KHDRBS3: variants seen among roughly 807,000 people sequenced by gnomAD.
KHDRBS3 encodes KH RNA binding domain containing, signal transduction associated 3, also known as KH domain-containing, RNA-binding, signal transduction-associated protein 3.
KHDRBS3 carries 23 observed loss-of-function variants against 45.6 expected under a neutral mutation model. The observed-to-expected ratio is 0.50, with a 90% CI of 0.36 to 0.72. The LOEUF (loss-of-function observed/expected upper bound fraction) is 0.72. Among genes scored for constraint, KHDRBS3 ranks in the 30% least tolerant of loss-of-function variants. The pLI is 0.00. For missense variants in KHDRBS3, 352 were observed against 424.8 expected, an observed-to-expected ratio of 0.83 and a Z score of 1.51; for synonymous variants, 162 against 156.5, an observed-to-expected ratio of 1.04 and a Z score of -0.26.
chr8:135,499,789 CAA>C (rs1016086556), intron 1 of KHDRBS3, among the ~76,000 whole-genome samples: 5 of 152,038 alleles, frequency 3.3e-5, no homozygotes, highest in African/African-American at 9.7e-5. Flanking sequence ...TTTTTTTGAT[CAA>C]AGAGACTTTT....
chr8:135,610,379 T>C (rs1189203322), intron 7 of KHDRBS3, among the ~76,000 whole-genome samples: 1 of 151,900 alleles, frequency 6.6e-6, no homozygotes, highest in Non-Finnish European at 1.5e-5. Context: ...TTAAAGCTCA[T>C]GGTCTTTCTA....
At chr8:135,647,825 A>T (rs928935548), downstream of KHDRBS3, 9 of 152,228 alleles carry the variant, frequency 5.9e-5, no homozygotes, top group Non-Finnish European at 8.8e-5. Flanking sequence ...TCCAAATGGT[A>T]TCGAGCTGCT....
At chr8:135,487,158 C>T (rs1054160000) in intron 1 of KHDRBS3, among the ~76,000 whole-genome samples, 1 of 152,122 alleles carries the variant, frequency 6.6e-6, no homozygotes, top group African/African-American at 2.4e-5. Flanking sequence ...ATGTAACACA[C>T]GCTTCTTATG....
At position 135,483,382 on chromosome 8, in the gene KHDRBS3, TG is replaced by T. The variant is rs549253542; in HGVS notation, c.88+25430del. Among the ~76,000 whole-genome samples, 16 of 152,188 alleles carry T rather than the reference TG, an allele frequency of 1.1e-4. No individual in the cohort carries two copies. The South Asian group carries it at 3.3e-3, about 32-fold the overall frequency. On this transcript the variant is annotated intron_variant, in intron 1 of 8. Transcript: ENST00000355849. ...AGTAAACACATTCTGCTGCCATTAG[TG>T]GTTTGTTGTGGTTTGTAACTGCCCA...
chr8:135,493,497 A>G (rs1052632205), intron 1 of KHDRBS3, among the ~76,000 whole-genome samples: 4 of 151,862 alleles, frequency 2.6e-5, no homozygotes, highest in African/African-American at 7.3e-5. Context: ...GCAAGTTTTT[A>G]TTATAGTAGT....
intron 1 of KHDRBS3, among the ~76,000 whole-genome samples, chr8:135,496,439 G>A (rs969149711): frequency 6.6e-6 from 1 of 152,086 alleles, no homozygotes; most frequent in Admixed American, 6.5e-5. Context: ...CGCCATGTTG[G>A]CCAGGCTGGT....
downstream of KHDRBS3, among the ~76,000 whole-genome samples, chr8:135,648,887 GAA>G (rs143223762): frequency 6.7e-6 from 1 of 149,836 alleles, no homozygotes; most frequent in African/African-American, 2.4e-5. Context: ...TCAATAGCAT[GAA>G]AAAAAAAATT....
chr8:135,548,675 TTTTA>T (rs998248172), intron 3 of KHDRBS3, 75 bp from the exon 4 acceptor site: 175 of 1,167,156 alleles, frequency 1.5e-4, no homozygotes, highest in African/African-American at 8.7e-4. Flanking sequence ...GGGGGTTAGT[TTTTA>T]TTTATTTATT....
intron 1 of KHDRBS3, among the ~76,000 whole-genome samples, chr8:135,462,844 G>C (rs1821499535): frequency 6.6e-6 from 1 of 152,168 alleles, no homozygotes; most frequent in African/African-American, 2.4e-5. Context: ...AACACTGAGA[G>C]TCTAAAGGGC....
chr8:135,627,647 TTTTA>T (rs1387930569), intron 7 of KHDRBS3, among the ~76,000 whole-genome samples: 2 of 152,198 alleles, frequency 1.3e-5, no homozygotes, highest in Admixed American at 1.3e-4. Flanking sequence ...GAGCATAAAT[TTTTA>T]TTTATCTGAA....
chr8:135,511,950 A>G (rs1359791442), intron 1 of KHDRBS3, among the ~76,000 whole-genome samples: 1 of 152,150 alleles, frequency 6.6e-6, no homozygotes, highest in Non-Finnish European at 1.5e-5. Context: ...ATTTATGCGT[A>G]TTTATGATGA....
chr8:135,632,705 G>A (rs912692041), intron 7 of KHDRBS3, among the ~76,000 whole-genome samples: 5 of 151,716 alleles, frequency 3.3e-5, no homozygotes, highest in East Asian at 1.9e-4. Context: ...TCACTCAACC[G>A]GGATTTTAAA....
chr8:135,584,953 T>C (rs973029704), intron 6 of KHDRBS3, among the ~76,000 whole-genome samples: 9 of 152,074 alleles, frequency 5.9e-5, no homozygotes, highest in Admixed American at 2.6e-4. Context: ...CTCGGCACGA[T>C]GCTCACGCTT....
chr8:135,463,561 A>G (rs1221740887), intron 1 of KHDRBS3, among the ~76,000 whole-genome samples: 1 of 152,186 alleles, frequency 6.6e-6, no homozygotes, highest in Non-Finnish European at 1.5e-5. Flanking sequence ...TTCTTAAGGA[A>G]TTTATGAAAT....
rs779823810 is a variant in KHDRBS3, at chr8:135,593,598, A to G, written c.807+11525A>G. Among the ~76,000 whole-genome samples the G allele has an allele frequency of 3.3e-5, 5 of 152,168 alleles. No individual in the cohort carries two copies. In the East Asian group the frequency reaches 7.8e-4, roughly 24 times the overall value. ...ACTCAAGCGATCCTCCTGCCTCACC[A>G]TTCTGAGTAGCTGGCACCACATGTG... On this transcript the variant is annotated intron_variant, in intron 6 of 8. Coordinates refer to ENST00000355849, the MANE Select transcript of KHDRBS3 (RefSeq NM_006558.3).
chr8:135,490,421 C>T (rs1042002353), intron 1 of KHDRBS3, among the ~76,000 whole-genome samples: 3 of 152,120 alleles, frequency 2.0e-5, no homozygotes, highest in African/African-American at 7.2e-5. Context: ...GGAGAAGCTC[C>T]TGCCATTCCC....
chr8:135,561,186 C>T (rs1586723989), intron 5 of KHDRBS3, among the ~76,000 whole-genome samples: 1 of 152,178 alleles, frequency 6.6e-6, no homozygotes, highest in South Asian at 2.1e-4. Context: ...TCTTTGCTCA[C>T]TTGTTTCTTC....
intron 2 of KHDRBS3, chr8:135,541,467 T>C (rs1826046002): frequency 6.6e-6 from 1 of 152,354 alleles, no homozygotes; most frequent in African/African-American, 2.4e-5. Flanking sequence ...AAAATATATA[T>C]TTGAGTTTTG....
intron 1 of KHDRBS3, among the ~76,000 whole-genome samples, chr8:135,483,111 C>T (rs1822668750): frequency 6.6e-6 from 1 of 152,094 alleles, no homozygotes; most frequent in South Asian, 2.1e-4. Flanking sequence ...AACCCTGTAT[C>T]TCTTTTGCAT....
Sources: allele counts gnomAD v4.1 joint callset (sites outside exome capture counted in the v4.1 genomes callset), GRCh38; gene constraint gnomAD v4.1.1; transcripts MANE v1.5; gene names NCBI Gene and HGNC (gene_info 2026-07-23, HGNC 2026-07-21).